The following FGGY variants were observed in gnomAD, a reference collection of about 807,000 sequenced individuals.
FGGY encodes FGGY carbohydrate kinase domain containing.
FGGY carries 72 observed loss-of-function variants against 71.3 expected under a neutral mutation model. The ratio of observed to expected loss-of-function variants is 1.01; its 90% CI spans 0.84 to 1.23. FGGY has a LOEUF of 1.23. Ranked by LOEUF, FGGY falls within the 50% of genes most tolerant of loss-of-function variation. The pLI, the probability that FGGY is intolerant of heterozygous loss-of-function variation, is 0.00. For missense variants in FGGY, 668 were observed against 682.3 expected (o/e 0.98, Z 0.23); for synonymous variants, 251 against 250.3 (o/e 1.00, Z -0.02).
intron 8 of FGGY, among the ~76,000 whole-genome samples, chr1:59,557,855 G>C (rs529491610): frequency 6.6e-6 from 1 of 152,330 alleles, no homozygotes; most frequent in Admixed American, 6.5e-5. Flanking sequence ...AGGACCCTGG[G>C]GGGGTCGGGG....
At chr1:59,638,909 C>G (rs1394961642) in intron 11 of FGGY, among the ~76,000 whole-genome samples, 2 of 152,190 alleles carry the variant, frequency 1.3e-5, no homozygotes. Context: ...AGGGTCACTT[C>G]CTCTGTGGAT....
At chr1:59,419,384 C>G (rs1398499386) in intron 5 of FGGY, among the ~76,000 whole-genome samples, 2 of 152,066 alleles carry the variant, frequency 1.3e-5, no homozygotes, top group Non-Finnish European at 2.9e-5. Flanking sequence ...CATAGACCAC[C>G]AAGCTGATAA....
At chr1:59,345,717 G>GA (rs35234505) in intron 3 of FGGY, among the ~76,000 whole-genome samples, 19,696 of 142,716 alleles carry the variant, frequency 0.14, 1,448 homozygotes, top group African/African-American at 0.2. Flanking sequence ...ACCAAATGAG[G>GA]AAAAAAAAAA....
intron 6 of FGGY, among the ~76,000 whole-genome samples, chr1:59,475,648 C>T (rs2093229105): frequency 6.6e-6 from 1 of 152,220 alleles, no homozygotes; most frequent in South Asian, 2.1e-4. Context: ...TTCTCTTCTT[C>T]CTCTTACACC....
intron 8 of FGGY, among the ~76,000 whole-genome samples, chr1:59,587,542 C>G (rs1338950498): frequency 6.6e-6 from 1 of 152,094 alleles, no homozygotes; most frequent in Non-Finnish European, 1.5e-5. Flanking sequence ...CTGGGAGGCA[C>G]CCCCCAGTAG....
intron 7 of FGGY, among the ~76,000 whole-genome samples, chr1:59,525,572 GATTA>G (rs1177874140): frequency 2.6e-5 from 4 of 152,198 alleles, no homozygotes; most frequent in African/African-American, 9.6e-5. Flanking sequence ...GTTTAGCTAT[GATTA>G]ATGTGATTGC....
At chr1:59,296,657 C>A (rs1031488067), upstream of FGGY, 2 of 106,760 alleles carry the variant, frequency 1.9e-5, no homozygotes, top group East Asian at 4.6e-4. Flanking sequence ...TTACAGGGGC[C>A]GCGCTTTACA....
At chr1:59,404,171 C>T (rs2062392432) in intron 5 of FGGY, among the ~76,000 whole-genome samples, 1 of 151,444 alleles carries the variant, frequency 6.6e-6, no homozygotes, top group African/African-American at 2.4e-5. Flanking sequence ...AAAAATATAC[C>T]TTTGGGAGGG....
rs1243454949 is a variant in FGGY at position 59,749,589 on chromosome 1, C to G, written c.1513-8342C>G. Among the ~76,000 whole-genome samples the G allele has an allele frequency of 7.2e-5, 11 of 152,170 alleles. No individual in the cohort carries two copies. In the East Asian group the frequency reaches 2.1e-3, roughly 29 times the overall value. Reference sequence around the variant, plus strand: ...CATTCATTGATTCATTTAACAAATCCTTATAGATTAACTATTCTGGCCAGG... The same window carrying G: ...CATTCATTGATTCATTTAACAAATCGTTATAGATTAACTATTCTGGCCAGG... On this transcript the variant is annotated intron_variant, in intron 14 of 15. Coordinates refer to ENST00000303721, the MANE Select transcript of FGGY (RefSeq NM_018291.5).
At chr1:59,753,790 CTT>C (rs2098267640) in intron 14 of FGGY, among the ~76,000 whole-genome samples, 1 of 151,878 alleles carries the variant, frequency 6.6e-6, no homozygotes, top group African/African-American at 2.4e-5. Flanking sequence ...AAAATTATAA[CTT>C]TATTTTCTAT....
chr1:59,731,587 G>T, intron 14 of FGGY, among the ~76,000 whole-genome samples: 1 of 150,992 alleles, frequency 6.6e-6, no homozygotes. Flanking sequence ...GGGGTTAGTT[G>T]TTTTTTGTTG....
At chr1:59,415,115 A>G (rs1338288543) in intron 5 of FGGY, among the ~76,000 whole-genome samples, 1 of 152,206 alleles carries the variant, frequency 6.6e-6, no homozygotes, top group Non-Finnish European at 1.5e-5. Flanking sequence ...CCCTCAGCTC[A>G]AGGTCAGCAG....
chr1:59,633,880 G>T (rs185422763), intron 10 of FGGY, among the ~76,000 whole-genome samples: 3 of 152,168 alleles, frequency 2.0e-5, no homozygotes. Context: ...TCTGGAAGAC[G>T]TCATATGTTT....
chr1:59,497,293 A>G (rs1210081872), intron 6 of FGGY, among the ~76,000 whole-genome samples: 1 of 152,232 alleles, frequency 6.6e-6, no homozygotes, highest in Non-Finnish European at 1.5e-5. Context: ...AATTGCTTAA[A>G]AAAACAGCCA....
rs1016658626 is a variant in FGGY at position 59,297,135 on chromosome 1, C to A, written c.-30C>A. ...TGTTCCCGAGACGTTGTTGAGTCCCCTGTGTCCTCTTCTGGGTGAGGCGTC... is the reference window on the plus strand; with the variant it reads ...TGTTCCCGAGACGTTGTTGAGTCCCATGTGTCCTCTTCTGGGTGAGGCGTC... On this transcript the variant is annotated 5_prime_UTR_variant, in exon 1 of 16. In the 5' UTR this introduces an upstream ATG that the reference lacks. Coordinates refer to ENST00000303721, the MANE Select transcript of FGGY (RefSeq NM_018291.5). 5.2e-5 allele frequency: 8 copies of A among 152,778 alleles called. No individual in the cohort carries two copies. The highest frequency in any genetic ancestry group is 8.8e-5 in the Non-Finnish European group (6 of 68,324). 9.5% of individuals were successfully genotyped at this position (152,778 alleles called of 1,614,324 possible).
intron 1 of FGGY, among the ~76,000 whole-genome samples, chr1:59,307,347 T>C (rs1313660679): frequency 6.6e-6 from 1 of 151,250 alleles, no homozygotes; most frequent in Non-Finnish European, 1.5e-5. Context: ...AATCGAGTGA[T>C]TTAGACAGAT....
chr1:59,613,792 A>G (rs536034419), intron 9 of FGGY, among the ~76,000 whole-genome samples: 8 of 152,254 alleles, frequency 5.3e-5, no homozygotes, highest in Admixed American at 1.3e-4. Flanking sequence ...TCAAATAGAC[A>G]CAATAAAAAA....
At chr1:59,745,973 G>A (rs1024992284) in intron 14 of FGGY, among the ~76,000 whole-genome samples, 1 of 152,138 alleles carries the variant, frequency 6.6e-6, no homozygotes, top group Non-Finnish European at 1.5e-5. Flanking sequence ...GGGGGCTGTG[G>A]GAGTATTGAA....
chr1:59,540,683 G>A (rs945605891), intron 7 of FGGY, among the ~76,000 whole-genome samples: 18 of 152,152 alleles, frequency 1.2e-4, no homozygotes, highest in African/African-American at 4.1e-4. Context: ...CATTGATAAG[G>A]TTTATTAAAA....
Sources: allele counts gnomAD v4.1 joint callset (sites outside exome capture counted in the v4.1 genomes callset), GRCh38; gene constraint gnomAD v4.1.1; transcripts MANE v1.5; gene names NCBI Gene and HGNC (gene_info 2026-07-23, HGNC 2026-07-21).